The following MALRD1 variants were observed in gnomAD, a reference collection of about 807,000 sequenced individuals.
MALRD1 encodes MAM and LDL-receptor class A domain-containing protein 1.
In MALRD1, 247 loss-of-function variants were observed where a neutral mutation model predicts 242.1. The observed-to-expected ratio is 1.02, with a 90% CI of 0.92 to 1.13. The LOEUF is 1.13. Ranked by LOEUF, MALRD1 falls within the 50% of genes most tolerant of loss-of-function variation. The probability of loss-of-function intolerance (pLI) is 0.00; values close to 1 mark genes in which losing one functional copy is unlikely to be tolerated. For synonymous variants in MALRD1, 995 were observed against 866.6 expected (o/e 1.15, Z -2.60); for missense variants, 2,989 against 2,533.1 (o/e 1.18, Z -3.86).
intron 14 of MALRD1, among the ~76,000 whole-genome samples, chr10:19,196,994 A>G (rs1179222910): frequency 6.6e-6 from 1 of 152,158 alleles, no homozygotes; most frequent in Non-Finnish European, 1.5e-5. Context: ...TTATAAAGGA[A>G]AGAAGTTTAA....
Position 19,110,225 on chromosome 10 carries a change from C to T in MALRD1, c.694+6150C>T, listed in dbSNP as rs116794223. On this transcript the variant is annotated intron_variant, in intron 5 of 39. Coordinates refer to ENST00000454679, the MANE Select transcript of MALRD1 (RefSeq NM_001142308.3). ...AGTCAGTTGTCTTGCTAACATCACTCCAGTCCGTGCTTGGGTTTTTAACAT... is the reference window on the plus strand; with the variant it reads ...AGTCAGTTGTCTTGCTAACATCACTTCAGTCCGTGCTTGGGTTTTTAACAT... Among the ~76,000 whole-genome samples the T allele has an allele frequency of 5.4e-3, 819 of 152,252 alleles. 13 individuals are homozygous for T. The highest frequency in any genetic ancestry group is 0.019 in the African/African-American group (770 of 41,540).
At chr10:19,102,712 A>C (rs370017728) in intron 4 of MALRD1, among the ~76,000 whole-genome samples, 15 of 152,322 alleles carry the variant, frequency 9.8e-5, no homozygotes, top group African/African-American at 3.4e-4. Context: ...TGCCATCAAC[A>C]TGCCAATTTT....
chr10:19,173,957 G>A (rs371043223), intron 13 of MALRD1, among the ~76,000 whole-genome samples: 1 of 152,108 alleles, frequency 6.6e-6, no homozygotes, highest in African/African-American at 2.4e-5. Context: ...TATAACAAAA[G>A]AGAGGTTAAA....
At chr10:19,244,547 G>A (rs773701019) in intron 18 of MALRD1, among the ~76,000 whole-genome samples, 2 of 151,656 alleles carry the variant, frequency 1.3e-5, no homozygotes, top group East Asian at 1.9e-4. Context: ...CCTGGGCAAC[G>A]AAGTCAGACC....
intron 35 of MALRD1, among the ~76,000 whole-genome samples, chr10:19,608,785 C>T (rs1838753164): frequency 6.6e-6 from 1 of 151,980 alleles, no homozygotes; most frequent in Non-Finnish European, 1.5e-5. Flanking sequence ...GAAGTGAGTA[C>T]TCACAGACCA....
intron 21 of MALRD1, among the ~76,000 whole-genome samples, chr10:19,306,215 C>T (rs1842185805): frequency 7.7e-6 from 1 of 129,932 alleles, no homozygotes; most frequent in South Asian, 2.3e-4. Flanking sequence ...TATATATACA[C>T]ACACATACTA....
At chr10:19,701,506 G>A (rs894141903) in intron 38 of MALRD1, among the ~76,000 whole-genome samples, 3 of 152,042 alleles carry the variant, frequency 2.0e-5, no homozygotes, top group African/African-American at 7.2e-5. Flanking sequence ...AAACTGGGTT[G>A]GGGCGATGGA....
At chr10:19,410,419 C>T (rs954009198) in intron 28 of MALRD1, among the ~76,000 whole-genome samples, 4 of 152,048 alleles carry the variant, frequency 2.6e-5, no homozygotes, top group Admixed American at 6.6e-5. Flanking sequence ...CTACTTAAAA[C>T]GTATAGATGA....
intron 1 of MALRD1, among the ~76,000 whole-genome samples, chr10:19,054,177 A>C (rs942602408): frequency 6.6e-6 from 1 of 152,158 alleles, no homozygotes; most frequent in African/African-American, 2.4e-5. Flanking sequence ...TAAGTGTTAC[A>C]TTGCTTCTGT....
chr10:19,352,691 T>A (rs1844444198), intron 26 of MALRD1, among the ~76,000 whole-genome samples: 1 of 152,202 alleles, frequency 6.6e-6, no homozygotes, highest in African/African-American at 2.4e-5. Context: ...GTGGTTATGA[T>A]ATTTGCCACC....
chr10:19,467,448 T>C (rs1470331679), intron 29 of MALRD1, among the ~76,000 whole-genome samples: 1 of 142,242 alleles, frequency 7.0e-6, no homozygotes, highest in African/African-American at 2.6e-5. Context: ...TCTCCAAATA[T>C]ACTAACATGG....
At chr10:19,440,900 A>G (rs1427913316) in intron 28 of MALRD1, among the ~76,000 whole-genome samples, 1 of 152,030 alleles carries the variant, frequency 6.6e-6, no homozygotes, top group East Asian at 1.9e-4. Flanking sequence ...CTAGTTCTAG[A>G]TCCTTGAGGA....
At chr10:19,608,202 A>T (rs1838728478) in intron 35 of MALRD1, among the ~76,000 whole-genome samples, 1 of 152,014 alleles carries the variant, frequency 6.6e-6, no homozygotes, top group Non-Finnish European at 1.5e-5. Context: ...CTCCTCTGAA[A>T]ATTGCTTGGT....
chr10:19,065,828 A>T (rs967036600), intron 1 of MALRD1, among the ~76,000 whole-genome samples: 36 of 152,262 alleles, frequency 2.4e-4, no homozygotes, highest in Admixed American at 9.2e-4. Flanking sequence ...AGATTCAATG[A>T]TGAGGCGCTG....
At chr10:19,472,255 T>G (rs986825195) in intron 29 of MALRD1, among the ~76,000 whole-genome samples, 2 of 152,100 alleles carry the variant, frequency 1.3e-5, no homozygotes, top group African/African-American at 4.8e-5. Flanking sequence ...TAAATCACAC[T>G]TGATCAGGGT....
At chr10:19,604,619 T>C (rs1000219850) in intron 34 of MALRD1, among the ~76,000 whole-genome samples, 4 of 152,172 alleles carry the variant, frequency 2.6e-5, no homozygotes, top group African/African-American at 7.2e-5. Context: ...CATTGATGAA[T>C]GTGGCTGCAC....
chr10:19,579,499 T>G (rs1030539328), intron 33 of MALRD1, among the ~76,000 whole-genome samples: 1 of 152,216 alleles, frequency 6.6e-6, no homozygotes, highest in Non-Finnish European at 1.5e-5. Context: ...GATCTGATTA[T>G]GTTTTGGTAC....
At chr10:19,733,373 C>T in intron 39 of MALRD1, among the ~76,000 whole-genome samples, 1 of 152,134 alleles carries the variant, frequency 6.6e-6, no homozygotes, top group Non-Finnish European at 1.5e-5. Flanking sequence ...ACTGTAAAGA[C>T]TTCAGTTGTG....
chr10:19,717,040 T>C (rs926026182), intron 38 of MALRD1: 3 of 152,242 alleles, frequency 2.0e-5, no homozygotes, highest in Non-Finnish European at 2.9e-5. Context: ...AAGTTTCTCA[T>C]CAGCAATAGA....
Sources: gnomAD v4.1 joint callset for allele counts (sites outside exome capture counted in the v4.1 genomes callset) on GRCh38, gnomAD v4.1.1 for gene constraint, MANE v1.5 for transcripts, NCBI Gene and HGNC (gene_info 2026-07-23, HGNC 2026-07-21) for gene names.